Variants in CDH13 observed in about 807,000 individuals in gnomAD.
CDH13 encodes the protein cadherin 13.
Under a neutral mutation model 63.8 loss-of-function variants are expected in CDH13, and 24 were observed. The observed-to-expected ratio is 0.38, with a 90% CI of 0.27 to 0.53. CDH13 has a LOEUF of 0.53. CDH13 is among the 20% of genes least tolerant of loss of function. CDH13 has a pLI of 0.85. For synonymous variants in CDH13, 503 were observed against 355.3 expected, an observed-to-expected ratio of 1.42 and a Z score of -4.67; for missense variants, 1,049 against 903.1, an observed-to-expected ratio of 1.16 and a Z score of -2.07.
chr16:82,865,673 A>T lies in CDH13; in HGVS notation c.157+7200A>T, dbSNP rs538832897. Among the ~76,000 whole-genome samples, 19 of 152,102 alleles carry T rather than the reference A, an allele frequency of 1.2e-4. No homozygotes were observed. In the East Asian group the frequency reaches 3.7e-3, roughly 30 times the overall value. The stretch of plus-strand genomic sequence containing the variant: ...TGTGATGGGAAGGGCTGCCTTGAAG[A>T]CCTCTGAGATGCCCTGGAGACATCT... On this transcript the variant is annotated intron_variant, in intron 2 of 13. Coordinates refer to ENST00000567109, the MANE Select transcript of CDH13 (RefSeq NM_001257.5).
At chr16:82,915,902 C>G (rs1032288661) in intron 2 of CDH13, among the ~76,000 whole-genome samples, 1 of 150,466 alleles carries the variant, frequency 6.6e-6, no homozygotes, top group Non-Finnish European at 1.5e-5. Context: ...TCCTGGCTAA[C>G]TACAGGGAAG....
At chr16:83,736,539 T>C (rs574188855) in intron 10 of CDH13, among the ~76,000 whole-genome samples, 8 of 152,252 alleles carry the variant, frequency 5.3e-5, no homozygotes, top group African/African-American at 1.7e-4. Flanking sequence ...GTGTCAAATG[T>C]CCCTTTATAT....
intron 1 of CDH13, among the ~76,000 whole-genome samples, chr16:82,775,311 G>T (rs184141908): frequency 2.6e-5 from 4 of 152,304 alleles, no homozygotes; most frequent in Admixed American, 1.3e-4. Flanking sequence ...ATACAGTAAA[G>T]TAACCATTGT....
chr16:83,295,164 C>A (rs1226269440), intron 5 of CDH13, among the ~76,000 whole-genome samples: 2 of 152,098 alleles, frequency 1.3e-5, no homozygotes, highest in African/African-American at 4.8e-5. Flanking sequence ...ATTTGGGAAA[C>A]CGCATATCCA....
intron 6 of CDH13, among the ~76,000 whole-genome samples, chr16:83,483,300 G>A (rs953012414): frequency 4.6e-5 from 7 of 152,132 alleles, no homozygotes; most frequent in African/African-American, 1.7e-4. Flanking sequence ...TTAAGACCGA[G>A]TTCACCTGTT....
At chr16:83,791,877 T>C (rs1916294089) in intron 13 of CDH13, among the ~76,000 whole-genome samples, 1 of 152,054 alleles carries the variant, frequency 6.6e-6, no homozygotes, top group African/African-American at 2.4e-5. Flanking sequence ...TAAAATTTTA[T>C]TTTTCAACGT....
chr16:82,740,558 G>A (rs552544493), intron 1 of CDH13, among the ~76,000 whole-genome samples: 1 of 152,332 alleles, frequency 6.6e-6, no homozygotes, highest in East Asian at 1.9e-4. Flanking sequence ...TCCATAGGCT[G>A]AGGGGTTGGC....
intron 6 of CDH13, among the ~76,000 whole-genome samples, chr16:83,433,319 T>C (rs1190064497): frequency 1.3e-5 from 2 of 152,206 alleles, no homozygotes; most frequent in Admixed American, 1.3e-4. Flanking sequence ...TAAGAGTGCC[T>C]CTGCCTTCCC....
At chr16:82,792,174 C>T (rs961226419) in intron 1 of CDH13, among the ~76,000 whole-genome samples, 1 of 152,150 alleles carries the variant, frequency 6.6e-6, no homozygotes, top group Non-Finnish European at 1.5e-5. Context: ...CATAGACTCA[C>T]AATTCCAGAT....
At chr16:83,481,843 T>TC (rs1157869876) in intron 6 of CDH13, among the ~76,000 whole-genome samples, 1 of 152,168 alleles carries the variant, frequency 6.6e-6, no homozygotes, top group Admixed American at 6.5e-5. Flanking sequence ...AATTACCCTT[T>TC]CTCTGCTGTC....
chr16:83,496,803 C>T (rs1257560172), intron 7 of CDH13, among the ~76,000 whole-genome samples: 1 of 152,104 alleles, frequency 6.6e-6, no homozygotes, highest in Non-Finnish European at 1.5e-5. Context: ...TGAACTCAAA[C>T]AAATTTACAA....
chr16:82,714,712 TAAAAAAA>T (rs71146088), intron 1 of CDH13, among the ~76,000 whole-genome samples: 74 of 30,026 alleles, frequency 2.5e-3, no homozygotes, highest in Admixed American at 3.4e-3. Context: ...AGACTCCATC[TAAAAAAA>T]AAAAAAAAAA....
intron 1 of CDH13, among the ~76,000 whole-genome samples, chr16:82,802,845 C>T (rs942120939): frequency 7.9e-5 from 12 of 152,130 alleles, no homozygotes; most frequent in African/African-American, 2.7e-4. Flanking sequence ...AGCGCTTTTC[C>T]AACAGTCACA....
chr16:82,769,418 A>G (rs1335385424), intron 1 of CDH13, among the ~76,000 whole-genome samples: 1 of 152,212 alleles, frequency 6.6e-6, no homozygotes, highest in East Asian at 1.9e-4. Flanking sequence ...CCTGTGTTAG[A>G]AAATGGGGTA....
intron 7 of CDH13, among the ~76,000 whole-genome samples, chr16:83,505,126 A>G (rs1283019068): frequency 6.6e-6 from 1 of 152,184 alleles, no homozygotes; most frequent in East Asian, 1.9e-4. Context: ...CCCATCCTCA[A>G]ATTCTAGATT....
At chr16:82,917,045 AG>A (rs1462515063) in intron 2 of CDH13, among the ~76,000 whole-genome samples, 8 of 152,246 alleles carry the variant, frequency 5.3e-5, no homozygotes, top group African/African-American at 1.9e-4. Flanking sequence ...GGCAAATAAA[AG>A]GGCATAGCCT....
At chr16:83,395,747 C>G (rs1414806337) in intron 6 of CDH13, among the ~76,000 whole-genome samples, 1 of 152,174 alleles carries the variant, frequency 6.6e-6, no homozygotes. Context: ...AACCTGAATT[C>G]TAATTAATTT....
intron 2 of CDH13, among the ~76,000 whole-genome samples, chr16:82,926,989 T>C (rs2042324303): frequency 6.6e-6 from 1 of 151,426 alleles, no homozygotes; most frequent in African/African-American, 2.4e-5. Context: ...ATCTCTGTTT[T>C]TCACGGTGTC....
intron 1 of CDH13, among the ~76,000 whole-genome samples, chr16:82,683,035 G>T (rs1010750806): frequency 6.6e-6 from 1 of 152,172 alleles, no homozygotes; most frequent in African/African-American, 2.4e-5. Context: ...TCTGAACTTA[G>T]CCAAGTTATT....
Sources: allele counts gnomAD v4.1 joint callset (sites outside exome capture counted in the v4.1 genomes callset), GRCh38; gene constraint gnomAD v4.1.1; transcripts MANE v1.5; gene names NCBI Gene and HGNC (gene_info 2026-07-23, HGNC 2026-07-21).